The following ZCCHC7 variants were observed in gnomAD, a reference collection of about 807,000 sequenced individuals.
The protein encoded by ZCCHC7 is zinc finger CCHC domain-containing protein 7.
A neutral mutation model predicts 52.0 loss-of-function variants in ZCCHC7; 35 were observed. The observed-to-expected ratio is 0.67, with a 90% CI of 0.51 to 0.89. ZCCHC7 has a LOEUF of 0.89. Ranked by LOEUF, ZCCHC7 falls within the 40% of genes least tolerant of loss-of-function variation. ZCCHC7 has a pLI of 0.00. For synonymous variants in ZCCHC7, 217 were observed against 221.5 expected (o/e 0.98, Z 0.18); for missense variants, 574 against 649.1 (o/e 0.88, Z 1.26).
At chr9:37,223,179 A>G (rs1466457680) in intron 2 of ZCCHC7, among the ~76,000 whole-genome samples, 2 of 152,220 alleles carry the variant, frequency 1.3e-5, no homozygotes, top group African/African-American at 2.4e-5. Context: ...TAAATGTAAT[A>G]GATACTTGTA....
At chr9:37,350,459 C>G (rs981594412) in intron 7 of ZCCHC7, among the ~76,000 whole-genome samples, 5 of 152,158 alleles carry the variant, frequency 3.3e-5, no homozygotes, top group African/African-American at 1.2e-4. Context: ...CTTAGTTCTC[C>G]CGTTTTCCCT....
chr9:37,146,143 A>G (rs1243252448), intron 2 of ZCCHC7, among the ~76,000 whole-genome samples: 3 of 151,808 alleles, frequency 2.0e-5, no homozygotes, highest in African/African-American at 4.8e-5. Context: ...TATTTACCTT[A>G]TTTAGATTAT....
intron 2 of ZCCHC7, among the ~76,000 whole-genome samples, chr9:37,297,261 T>G (rs1217482510): frequency 6.6e-6 from 1 of 152,202 alleles, no homozygotes; most frequent in East Asian, 1.9e-4. Flanking sequence ...AGTCATGCTT[T>G]TTAGGTAGCA....
At chr9:37,213,181 T>A (rs1192952874) in intron 2 of ZCCHC7, among the ~76,000 whole-genome samples, 1 of 152,192 alleles carries the variant, frequency 6.6e-6, no homozygotes, top group Admixed American at 6.5e-5. Context: ...AACCACAAAT[T>A]ATTTGAGCTT....
At chr9:37,217,405 T>C (rs1023559694) in intron 2 of ZCCHC7, among the ~76,000 whole-genome samples, 3 of 152,164 alleles carry the variant, frequency 2.0e-5, no homozygotes, top group African/African-American at 7.2e-5. Flanking sequence ...GTAAAAATTA[T>C]AAAAACTTTT....
intron 2 of ZCCHC7, among the ~76,000 whole-genome samples, chr9:37,199,882 T>G (rs952843828): frequency 2.6e-5 from 4 of 151,186 alleles, no homozygotes; most frequent in Admixed American, 2.6e-4. Flanking sequence ...TTTTTTGTAT[T>G]TTTAGTAGAG....
intron 2 of ZCCHC7, among the ~76,000 whole-genome samples, chr9:37,234,214 C>T (rs1825539423): frequency 6.6e-6 from 1 of 152,172 alleles, no homozygotes; most frequent in Non-Finnish European, 1.5e-5. Flanking sequence ...CTGTTCTCAG[C>T]ATAGCTGGAT....
intron 2 of ZCCHC7, among the ~76,000 whole-genome samples, chr9:37,231,707 A>G (rs555608825): frequency 6.6e-6 from 1 of 152,238 alleles, no homozygotes; most frequent in South Asian, 2.1e-4. Flanking sequence ...ATGGTCAAGT[A>G]TTTATCATTT....
chr9:37,167,331 G>C (rs1285019868), intron 2 of ZCCHC7, among the ~76,000 whole-genome samples: 5 of 151,110 alleles, frequency 3.3e-5, no homozygotes, highest in Non-Finnish European at 5.9e-5. Context: ...TGAACTCCTG[G>C]CCTCAGCTTC....
intron 5 of ZCCHC7, 79 bp downstream of exon 5, chr9:37,305,793 C>G: frequency 6.7e-6 from 10 of 1,486,832 alleles, no homozygotes; most frequent in Non-Finnish European, 9.3e-6. Flanking sequence ...AAGTTTATAA[C>G]TATCAGTCAG....
chr9:37,280,419 C>A (rs138464144), intron 2 of ZCCHC7, among the ~76,000 whole-genome samples: 45 of 152,054 alleles, frequency 3.0e-4, no homozygotes, highest in Admixed American at 7.2e-4. Flanking sequence ...AACACAAAAT[C>A]CAATAATTAT....
chr9:37,270,822 G>A (rs561515785), intron 2 of ZCCHC7, among the ~76,000 whole-genome samples: 4 of 127,836 alleles, frequency 3.1e-5, no homozygotes, highest in South Asian at 2.6e-4. Flanking sequence ...AAAAAAAATA[G>A]TAGTAGAAGA....
At chr9:37,252,377 C>T (rs762454756) in intron 2 of ZCCHC7, among the ~76,000 whole-genome samples, 2 of 152,134 alleles carry the variant, frequency 1.3e-5, no homozygotes, top group Non-Finnish European at 2.9e-5. Flanking sequence ...AAATATGCAT[C>T]CCAAATGAGC....
intron 2 of ZCCHC7, among the ~76,000 whole-genome samples, chr9:37,136,238 T>G (rs1200630571): frequency 6.6e-6 from 1 of 152,186 alleles, no homozygotes; most frequent in Non-Finnish European, 1.5e-5. Context: ...CTTAATTTCT[T>G]TATTGGTAAA....
intron 2 of ZCCHC7, among the ~76,000 whole-genome samples, chr9:37,289,464 T>C (rs1828424956): frequency 6.6e-6 from 1 of 152,152 alleles, no homozygotes; most frequent in South Asian, 2.1e-4. Context: ...TACTTTCATA[T>C]CCAGTTCTTC....
At chr9:37,319,618 G>T (rs1829973075) in intron 5 of ZCCHC7, among the ~76,000 whole-genome samples, 1 of 152,058 alleles carries the variant, frequency 6.6e-6, no homozygotes, top group Non-Finnish European at 1.5e-5. Context: ...TAGAAATGAG[G>T]TTTCATTTTG....
At chr9:37,286,230 C>T (rs1828201978) in intron 2 of ZCCHC7, among the ~76,000 whole-genome samples, 1 of 152,066 alleles carries the variant, frequency 6.6e-6, no homozygotes, top group African/African-American at 2.4e-5. Flanking sequence ...GGTTTGAGCC[C>T]TCTAGTCTGC....
chr9:37,305,598 C>G lies in ZCCHC7; in HGVS notation c.835C>G (p.Pro279Ala), dbSNP rs964361034. The G allele has an allele frequency of 6.2e-7, 1 of 1,614,082 alleles. No homozygotes were observed. The highest frequency in any genetic ancestry group is 8.5e-7 in the Non-Finnish European group (1 of 1,180,012). ...GAGAGGACATCTCCTGTATTCCTGT[C>G]CAGCCCCCCTTTGCGAATACTGTCC... is the stretch of plus-strand genomic sequence containing the variant. ...SRRGHLLYSC[P>A]APLCEYCPVP... Residue 279 changes from proline (P) to alanine (A), a missense_variant, in exon 5 of 9, where the codon CCA becomes GCA. Pro to Ala is a conservative substitution (Grantham distance 27, BLOSUM62 -1). This residue lies in a region of ZCCHC7 where 403 missense variants were observed against 461.2 expected (regional missense o/e 0.87). Coordinates refer to ENST00000336755, the MANE Select transcript of ZCCHC7 (RefSeq NM_032226.3).
chr9:37,354,438 G>A lies in ZCCHC7; in HGVS notation c.1084-272G>A, dbSNP rs891062133. ...AGGCTGCTACCTCAGACTGTGAAAG[G>A]AGTTAGGCAGAAAAGGCTGAAAAAA... On this transcript the variant is annotated intron_variant, in intron 7 of 8. Transcript: ENST00000336755. This position sits in a 1 kb window ranked among gnomAD's most constrained non-coding sequence, Gnocchi z 4.0. Among the ~76,000 whole-genome samples the A allele has an allele frequency of 1.3e-5, 2 of 152,188 alleles. No individual in the cohort carries two copies. Among genetic ancestry groups the A allele is most frequent in the African/African-American group, 4.8e-5 (2 of 41,454 alleles).
Sources: gnomAD v4.1 joint callset for allele counts (sites outside exome capture counted in the v4.1 genomes callset) on GRCh38, gnomAD v4.1.1 for gene constraint, gnomAD v4.1.1 regional missense constraint, Gnocchi (gnomAD v3.1) non-coding constraint, MANE v1.5 for transcripts, NCBI Gene and HGNC (gene_info 2026-07-23, HGNC 2026-07-21) for gene names.